A2ML1: variants seen among roughly 807,000 people sequenced by gnomAD.
A2ML1 encodes alpha-2-macroglobulin like 1, also known as alpha-2-macroglobulin-like protein 1.
In A2ML1, 161 loss-of-function variants were observed where a neutral mutation model predicts 181.9. The observed-to-expected ratio is 0.89, with a 90% CI of 0.78 to 1.01. The LOEUF is 1.01. Among genes scored for constraint, A2ML1 ranks in the 50% least tolerant of loss-of-function variants. The pLI, the probability that A2ML1 is intolerant of heterozygous loss-of-function variation, is 0.00. For missense variants in A2ML1, 1,670 were observed against 1,768.1 expected (o/e 0.94, Z 1.00); for synonymous variants, 663 against 666.8 (o/e 0.99, Z 0.09).
At chr12:8,878,656 G>A (rs368185864), downstream of A2ML1, among the ~76,000 whole-genome samples, 17 of 152,178 alleles carry the variant, frequency 1.1e-4, no homozygotes, top group African/African-American at 3.9e-4. This position sits in a 1 kb window ranked among gnomAD's most constrained non-coding sequence, Gnocchi z 4.4. Flanking sequence ...ACCTGCATAT[G>A]TATCTCCTGA....
intron 15 of A2ML1, among the ~76,000 whole-genome samples, chr12:8,848,348 G>GCC (rs1415628125): frequency 1.7e-4 from 26 of 151,874 alleles, no homozygotes; most frequent in African/African-American, 6.0e-4. Context: ...AGGCATGGTG[G>GCC]CGCATGCCTG....
At chr12:8,845,869 TA>T (rs1334670462) in intron 13 of A2ML1, among the ~76,000 whole-genome samples, 57 of 96,986 alleles carry the variant, frequency 5.9e-4, no homozygotes, top group Admixed American at 2.7e-3. Context: ...AAAAAATAAA[TA>T]AAATAAAATA....
intron 13 of A2ML1, among the ~76,000 whole-genome samples, chr12:8,845,849 CAAAA>C (rs1231550807): frequency 1.0e-3 from 56 of 55,534 alleles, no homozygotes; most frequent in Admixed American, 6.0e-3. Flanking sequence ...GACTCCGTCT[CAAAA>C]AAAAAAAAAA....
intron 7 of A2ML1, among the ~76,000 whole-genome samples, chr12:8,881,837 C>T (rs963431987): frequency 5.9e-5 from 9 of 151,802 alleles, no homozygotes; most frequent in African/African-American, 1.9e-4. Flanking sequence ...CGGTGAAACC[C>T]CGTCTGTACT....
At chr12:8,823,474 C>T (rs1942815697) in intron 2 of A2ML1, 109 bp downstream of exon 2, 1 of 1,315,888 alleles carries the variant, frequency 7.6e-7, no homozygotes, top group South Asian at 1.5e-5. Flanking sequence ...GCCACGGCCT[C>T]TAAACCTATT....
At chr12:8,854,615 C>G (rs1215723247) in intron 21 of A2ML1, among the ~76,000 whole-genome samples, 165 bp from the exon 22 acceptor site, 1 of 136,170 alleles carries the variant, frequency 7.3e-6, no homozygotes, top group Admixed American at 7.9e-5. Context: ...AGGGCCCATC[C>G]TTGGGTTGAC....
chr12:8,866,850 AATAG>A (rs895894755), intron 29 of A2ML1, among the ~76,000 whole-genome samples: 24 of 151,676 alleles, frequency 1.6e-4, no homozygotes, highest in African/African-American at 5.1e-4. Flanking sequence ...TTTTTTTTGT[AATAG>A]ATATTTTTTG....
chr12:8,882,214 G>C (rs1472667406), intron 7 of A2ML1, among the ~76,000 whole-genome samples: 1 of 151,986 alleles, frequency 6.6e-6, no homozygotes, highest in Non-Finnish European at 1.5e-5. Flanking sequence ...GAGACTGAAA[G>C]GGAGTGCCAA....
In A2ML1 at chr12:8,852,222, C is replaced by CTGGCTAAA. The variant is rs863224951; in HGVS notation, c.2478_2485dup (p.Ser829TrpfsTer9). On this transcript the variant is annotated frameshift_variant, in exon 20 of 36. Coordinates refer to ENST00000299698, the MANE Select transcript of A2ML1 (RefSeq NM_144670.6). LOFTEE classifies it high-confidence loss of function. This position sits in a 1 kb window ranked among gnomAD's most constrained non-coding sequence, Gnocchi z 4.2. ...ACATCCTCCGTAGGTTCAGACTGAC[C>CTGGCTAAA]TGGCTAAATCGCATGAGTACCAGCT... is the stretch of plus-strand genomic sequence containing the variant. 4 of 1,614,126 alleles carry CTGGCTAAA rather than the reference C, an allele frequency of 2.5e-6. No individual in the cohort carries two copies. The highest frequency in any genetic ancestry group is 2.2e-5 in the East Asian group (1 of 44,878).
chr12:8,873,879 A>C (rs1222313969), intron 33 of A2ML1, among the ~76,000 whole-genome samples: 1 of 152,152 alleles, frequency 6.6e-6, no homozygotes, highest in Non-Finnish European at 1.5e-5. Context: ...AAAGGGAACC[A>C]GTTCACAAGA....
chr12:8,840,978 A>AGAAGGAAGGAAGGAAG lies in A2ML1; in HGVS notation c.1081-372_1081-357dup, dbSNP rs71045213. Among the ~76,000 whole-genome samples the AGAAGGAAGGAAGGAAG allele has an allele frequency of 9.6e-3, 1,208 of 125,298 alleles. 29 individuals are homozygous for AGAAGGAAGGAAGGAAG. The highest frequency in any genetic ancestry group is 0.036 in the African/African-American group (1,126 of 31,286). 82.2% of individuals were successfully genotyped at this position (125,298 alleles called of 152,430 possible). ...AGGAAGGAAGGAAAGAAGGAAGGAA[A>AGAAGGAAGGAAGGAAG]GAAGGAAGGAAGGAAGGAAGGAAGG... On this transcript the variant is annotated intron_variant, in intron 10 of 35. Transcript: ENST00000299698.
chr12:8,853,123 T>G (rs1943948161), intron 20 of A2ML1, among the ~76,000 whole-genome samples: 1 of 151,972 alleles, frequency 6.6e-6, no homozygotes. Flanking sequence ...GCCTCCGGAG[T>G]AGCTGGGACT....
rs7969994 is a variant in A2ML1, at chr12:8,838,768, C to T, written c.970+318C>T. Among the ~76,000 whole-genome samples, 1,376 of 151,836 alleles carry T rather than the reference C, an allele frequency of 9.1e-3. 21 individuals are homozygous for T. The highest frequency in any genetic ancestry group is 0.031 in the African/African-American group (1,289 of 41,428). ...TCTACTAAAAATACAAAAAATTAGC[C>T]GGGCATGGTGACGGGGGCGCCTGTA... On this transcript the variant is annotated intron_variant, in intron 9 of 35. Transcript: ENST00000299698.
chr12:8,842,379 C>T (rs1040756423), intron 11 of A2ML1, among the ~76,000 whole-genome samples: 8 of 141,442 alleles, frequency 5.7e-5, no homozygotes, highest in Admixed American at 1.5e-4. Context: ...CCACCACGCC[C>T]GGCTAATTTT....
At chr12:8,823,061 TAAGG>T in intron 1 of A2ML1, 117 bp from the exon 2 acceptor site, 1 of 991,702 alleles carries the variant, frequency 1.0e-6, no homozygotes, top group South Asian at 1.6e-5. Context: ...ATGAGGTGCA[TAAGG>T]AAGGCAGGGG....
At chr12:8,842,820 T>A (rs990635226) in intron 11 of A2ML1, among the ~76,000 whole-genome samples, 1 of 152,238 alleles carries the variant, frequency 6.6e-6, no homozygotes, top group Non-Finnish European at 1.5e-5. Context: ...TAATCTTTGA[T>A]TTCTATATAA....
chr12:8,828,636 C>T (rs927941908), intron 3 of A2ML1, among the ~76,000 whole-genome samples: 15 of 152,146 alleles, frequency 9.9e-5, no homozygotes, highest in Non-Finnish European at 1.8e-4. Flanking sequence ...GACAAAGTCC[C>T]CTTGACTCTT....
chr12:8,830,561 A>AT (rs1943078121), intron 4 of A2ML1: 1 of 152,046 alleles, frequency 6.6e-6, no homozygotes, highest in South Asian at 2.1e-4. Context: ...CGAATATTTG[A>AT]TTTTTCCTTG....
chr12:8,837,502 CTT>C lies in A2ML1; in HGVS notation c.792_793del (p.Tyr265LeufsTer12), dbSNP rs745514929. ...GTATCTGTGTGTCAGAAGGCAAATA[CTT>C]ACTGGTATCGAGAGGTGGAACGGGA... On this transcript the variant is annotated frameshift_variant, in exon 8 of 36. Coordinates refer to ENST00000299698, the MANE Select transcript of A2ML1 (RefSeq NM_144670.6). LOFTEE classifies it high-confidence loss of function. The C allele has an allele frequency of 5.6e-6, 9 of 1,614,114 alleles. No individual in the cohort carries two copies. In the South Asian group the frequency reaches 7.7e-5, roughly 14 times the overall value.
Sources: gnomAD v4.1 joint callset for allele counts (sites outside exome capture counted in the v4.1 genomes callset) on GRCh38, gnomAD v4.1.1 for gene constraint, Gnocchi (gnomAD v3.1) non-coding constraint, MANE v1.5 for transcripts, NCBI Gene and HGNC (gene_info 2026-07-23, HGNC 2026-07-21) for gene names.